TAFA2: variants seen among roughly 807,000 people sequenced by gnomAD.
TAFA2 encodes chemokine-like protein TAFA-2.
In TAFA2, 7 loss-of-function variants were observed where a neutral mutation model predicts 18.8. The ratio of observed to expected loss-of-function variants is 0.37; its 90% CI spans 0.21 to 0.70. The LOEUF (loss-of-function observed/expected upper bound fraction) is 0.70. Ranked by LOEUF, TAFA2 falls within the 30% of genes least tolerant of loss-of-function variation. TAFA2 has a pLI of 0.53. For synonymous variants in TAFA2, 60 were observed against 54.2 expected, an observed-to-expected ratio of 1.11 and a Z score of -0.47; for missense variants, 122 against 158.1, an observed-to-expected ratio of 0.77 and a Z score of 1.23.
At chr12:61,809,142 A>T (rs80143629) in intron 2 of TAFA2, among the ~76,000 whole-genome samples, 2,947 of 151,604 alleles carry the variant, frequency 0.019, 240 homozygotes, top group African/African-American at 0.068. Context: ...CAATGCCTAT[A>T]AATGAGCAGA....
chr12:61,887,709 T>C (rs1179036030), intron 1 of TAFA2, among the ~76,000 whole-genome samples: 1 of 150,418 alleles, frequency 6.6e-6, no homozygotes, highest in Non-Finnish European at 1.5e-5. Flanking sequence ...CTTGCGATAG[T>C]TTACTGAGAA....
chr12:62,140,764 C>T (rs2062234327), intron 1 of TAFA2, among the ~76,000 whole-genome samples: 1 of 152,176 alleles, frequency 6.6e-6, no homozygotes. Context: ...TTCCCCAGGG[C>T]TGCCAGGACC....
intron 1 of TAFA2, among the ~76,000 whole-genome samples, chr12:61,984,448 C>G (rs1879748286): frequency 6.6e-6 from 1 of 152,164 alleles, no homozygotes. Flanking sequence ...TTAGCAACAG[C>G]TGAGGGAAAA....
intron 1 of TAFA2, among the ~76,000 whole-genome samples, chr12:61,959,587 G>C (rs1878812985): frequency 6.6e-6 from 1 of 152,152 alleles, no homozygotes; most frequent in African/African-American, 2.4e-5. Context: ...GCTTTGTTGA[G>C]TAGGAGCAAA....
At chr12:61,933,502 A>C (rs1877646387) in intron 1 of TAFA2, among the ~76,000 whole-genome samples, 1 of 152,104 alleles carries the variant, frequency 6.6e-6, no homozygotes, top group Non-Finnish European at 1.5e-5. Context: ...GCTTGAGACC[A>C]CAAATTTGAA....
chr12:61,774,370 G>T (rs566114754), intron 2 of TAFA2, among the ~76,000 whole-genome samples: 5 of 151,898 alleles, frequency 3.3e-5, no homozygotes, highest in Admixed American at 6.6e-5. Flanking sequence ...AAAGATACGT[G>T]CACATGCATG....
chr12:61,918,180 T>C (rs1436180124), intron 1 of TAFA2, among the ~76,000 whole-genome samples: 1 of 152,126 alleles, frequency 6.6e-6, no homozygotes, highest in African/African-American at 2.4e-5. Flanking sequence ...TCATACTCTT[T>C]TAGTTATCTT....
chr12:61,770,248 T>C (rs1869969384), intron 2 of TAFA2, among the ~76,000 whole-genome samples: 1 of 151,850 alleles, frequency 6.6e-6, no homozygotes, highest in Admixed American at 6.6e-5. Flanking sequence ...ATTATGTTAA[T>C]CAAACCTAAG....
intron 1 of TAFA2, among the ~76,000 whole-genome samples, chr12:61,993,686 G>A (rs1459619293): frequency 1.3e-5 from 2 of 152,120 alleles, no homozygotes; most frequent in African/African-American, 2.4e-5. Context: ...TTCTGTCCAT[G>A]CTAATCCCTA....
intron 1 of TAFA2, among the ~76,000 whole-genome samples, chr12:62,239,098 T>C (rs573754943): frequency 6.6e-6 from 1 of 152,322 alleles, no homozygotes; most frequent in East Asian, 1.9e-4. Context: ...CTCCCTTTTT[T>C]CCCTCTGTGC....
chr12:62,161,137 A>T (rs1920096), intron 1 of TAFA2, among the ~76,000 whole-genome samples: 18,045 of 152,154 alleles, frequency 0.12, 1,465 homozygotes, highest in East Asian at 0.32. Flanking sequence ...TCGCTTTGCA[A>T]ACATCTATTT....
intron 1 of TAFA2, among the ~76,000 whole-genome samples, chr12:62,203,610 A>G (rs757460340): frequency 6.6e-6 from 1 of 152,050 alleles, no homozygotes; most frequent in Non-Finnish European, 1.5e-5. Flanking sequence ...TCTTTTTTTA[A>G]TCTTCATTGG....
intron 4 of TAFA2, among the ~76,000 whole-genome samples, chr12:61,752,207 C>T (rs145948569): frequency 2.7e-4 from 41 of 152,074 alleles, no homozygotes; most frequent in African/African-American, 9.9e-4. Context: ...AGTGAGCTAA[C>T]TCATGTAAAG....
At chr12:61,889,099 T>C (rs1402560404) in intron 1 of TAFA2, among the ~76,000 whole-genome samples, 1 of 152,186 alleles carries the variant, frequency 6.6e-6, no homozygotes, top group Non-Finnish European at 1.5e-5. Flanking sequence ...AGAGTGGACA[T>C]AATGCTGGAC....
At chr12:61,924,600 G>T (rs1289595572) in intron 1 of TAFA2, among the ~76,000 whole-genome samples, 1 of 152,124 alleles carries the variant, frequency 6.6e-6, no homozygotes, top group Non-Finnish European at 1.5e-5. Flanking sequence ...TACTAAATAT[G>T]TAAAGGAAAA....
chr12:62,068,147 C>T (rs912011113), intron 1 of TAFA2, among the ~76,000 whole-genome samples: 1 of 152,006 alleles, frequency 6.6e-6, no homozygotes, highest in Admixed American at 6.6e-5. Context: ...ACCTTCCTCA[C>T]TTTGAAAATA....
intron 1 of TAFA2, among the ~76,000 whole-genome samples, chr12:62,160,433 C>A (rs1350445244): frequency 6.6e-6 from 1 of 152,156 alleles, no homozygotes; most frequent in Non-Finnish European, 1.5e-5. Context: ...AAGGCCTTGG[C>A]CAGTTGCATT....
rs1869330848 is a variant in TAFA2, at chr12:61,710,240, A to G, written c.*166T>C. ...CATGCAAGTTCATGTCTGACTTTTA[A>G]AAAGTCTTGATTTCAAGAAGAGGCC... is the stretch of plus-strand genomic sequence containing the variant. On this transcript the variant is annotated 3_prime_UTR_variant, in exon 5 of 5. Coordinates refer to ENST00000416284, the MANE Select transcript of TAFA2 (RefSeq NM_178539.5). 4.9e-6 allele frequency: 3 copies of G among 614,844 alleles called. No homozygotes were observed. Among genetic ancestry groups the G allele is most frequent in the Non-Finnish European group, 8.7e-6 (3 of 345,136 alleles). The allele number at this position is 614,844 out of a possible 1,614,324, so 38.1% of individuals were successfully genotyped here.
At chr12:62,019,237 C>G (rs1278432587) in intron 1 of TAFA2, among the ~76,000 whole-genome samples, 1 of 152,062 alleles carries the variant, frequency 6.6e-6, no homozygotes, top group Non-Finnish European at 1.5e-5. Flanking sequence ...GGACTGTAAA[C>G]TAGTTCAGCC....
Sources: allele counts gnomAD v4.1 joint callset (sites outside exome capture counted in the v4.1 genomes callset), GRCh38; gene constraint gnomAD v4.1.1; transcripts MANE v1.5; gene names NCBI Gene and HGNC (gene_info 2026-07-23, HGNC 2026-07-21).